PTPRD: variants seen among roughly 807,000 people sequenced by gnomAD.
The protein encoded by PTPRD is receptor-type tyrosine-protein phosphatase delta.
PTPRD carries 34 observed loss-of-function variants against 214.5 expected under a neutral mutation model. That is an observed-to-expected ratio of 0.16 (90% CI 0.12 to 0.21). The LOEUF (loss-of-function observed/expected upper bound fraction) is 0.21. PTPRD is among the 10% of genes least tolerant of loss of function. The pLI is 1.00. For missense variants in PTPRD, 2,545 were observed against 2,398.7 expected (o/e 1.06, Z -1.27); for synonymous variants, 1,128 against 845.7 (o/e 1.33, Z -5.79).
intron 3 of PTPRD, among the ~76,000 whole-genome samples, chr9:10,096,515 C>T (rs593215): frequency 0.43 from 65,089 of 151,608 alleles, 14,919 homozygotes; most frequent in African/African-American, 0.56. Flanking sequence ...TTTCATGTGT[C>T]TTTTGGCTGC....
At chr9:8,897,364 T>G (rs2098628007) in intron 11 of PTPRD, among the ~76,000 whole-genome samples, 1 of 152,068 alleles carries the variant, frequency 6.6e-6, no homozygotes, top group African/African-American at 2.4e-5. Context: ...TGAGCTGGGC[T>G]GGAATTTAGA....
chr9:10,209,074 T>C (rs941414218), intron 3 of PTPRD, among the ~76,000 whole-genome samples: 2 of 152,222 alleles, frequency 1.3e-5, no homozygotes, highest in Admixed American at 6.5e-5. Context: ...TTATGAATGC[T>C]GCAGTTCGTG....
chr9:8,445,552 G>A (rs1451202438), intron 34 of PTPRD, among the ~76,000 whole-genome samples: 6 of 151,992 alleles, frequency 3.9e-5, no homozygotes, highest in South Asian at 4.1e-4. Context: ...AAATGTTCCC[G>A]TATATTTGTC....
chr9:8,690,463 A>T (rs1489602590), intron 12 of PTPRD, among the ~76,000 whole-genome samples: 1 of 151,342 alleles, frequency 6.6e-6, no homozygotes, highest in East Asian at 1.9e-4. Context: ...CAGGAGGGAG[A>T]GCTTGCACTG....
intron 2 of PTPRD, among the ~76,000 whole-genome samples, chr9:10,596,520 G>C (rs937435777): frequency 2.0e-5 from 3 of 151,536 alleles, no homozygotes; most frequent in Non-Finnish European, 4.4e-5. Context: ...TAAATTAAAA[G>C]AAACAAAGAA....
At chr9:8,358,727 T>A (rs987434191) in intron 39 of PTPRD, among the ~76,000 whole-genome samples, 1 of 152,174 alleles carries the variant, frequency 6.6e-6, no homozygotes, top group African/African-American at 2.4e-5. Flanking sequence ...GCAACCTTCC[T>A]ATTCTTGCAT....
At chr9:10,332,408 A>G (rs1407847354) in intron 3 of PTPRD, among the ~76,000 whole-genome samples, 1 of 151,774 alleles carries the variant, frequency 6.6e-6, no homozygotes, top group East Asian at 2.0e-4. Flanking sequence ...AATCCTCAAA[A>G]CAGCTTTCAG....
At chr9:10,418,698 T>A (rs549402926) in intron 2 of PTPRD, among the ~76,000 whole-genome samples, 66 of 151,894 alleles carry the variant, frequency 4.3e-4, no homozygotes, top group African/African-American at 1.6e-3. Context: ...TAGGTCACTA[T>A]CTGTCACATA....
chr9:9,933,287 T>G (rs1173718639), intron 5 of PTPRD, among the ~76,000 whole-genome samples: 4 of 152,208 alleles, frequency 2.6e-5, no homozygotes, highest in South Asian at 2.1e-4. Flanking sequence ...ACTGGCAAAT[T>G]GGATAAAGAG....
chr9:9,811,944 G>A (rs545030644), intron 5 of PTPRD, among the ~76,000 whole-genome samples: 1 of 152,048 alleles, frequency 6.6e-6, no homozygotes, highest in Admixed American at 6.6e-5. Context: ...GTCAATCAAC[G>A]TGGCAAACTT....
At chr9:8,669,654 C>A (rs12350355) in intron 12 of PTPRD, among the ~76,000 whole-genome samples, 54 of 152,162 alleles carry the variant, frequency 3.5e-4, no homozygotes, top group African/African-American at 1.3e-3. Flanking sequence ...AGACAAGGAC[C>A]TTTTAGGATA....
chr9:8,324,779 T>C (rs933519018), intron 44 of PTPRD, among the ~76,000 whole-genome samples: 1 of 152,174 alleles, frequency 6.6e-6, no homozygotes, highest in Non-Finnish European at 1.5e-5. Context: ...CCTGACTTTT[T>C]AATGATCGAC....
intron 12 of PTPRD, chr9:8,713,890 C>A: frequency 2.1e-6 from 2 of 972,212 alleles, no homozygotes; most frequent in Non-Finnish European, 3.0e-6. Flanking sequence ...AGGAACGCCC[C>A]GGTGGAAAAA....
At chr9:9,056,337 T>C (rs970373865) in intron 10 of PTPRD, among the ~76,000 whole-genome samples, 7 of 152,122 alleles carry the variant, frequency 4.6e-5, no homozygotes, top group Admixed American at 1.3e-4. Flanking sequence ...CATCCTCAAA[T>C]GAAGCAAAGA....
chr9:9,739,478 T>C (rs1236280164), intron 6 of PTPRD, among the ~76,000 whole-genome samples: 2 of 152,200 alleles, frequency 1.3e-5, no homozygotes, highest in African/African-American at 4.8e-5. Flanking sequence ...TTCAAAATTC[T>C]ATGTTTTTAG....
rs1362294541 is a variant in PTPRD at position 10,340,596 on chromosome 9, A to C, written c.-545+367T>G. ...TACATATTTGGATAAACTACCAACC[A>C]TCCTAGAGCCTTAATTTCTTTCTAC... On this transcript the variant is annotated intron_variant, in intron 3 of 45. Coordinates refer to ENST00000381196, the MANE Select transcript of PTPRD (RefSeq NM_002839.4). Among the ~76,000 whole-genome samples, 3 of 152,058 alleles carry C rather than the reference A, an allele frequency of 2.0e-5. No individual in the cohort carries two copies. The East Asian group carries it at 5.8e-4, about 29-fold the overall frequency.
chr9:9,851,421 C>A (rs2060525166), intron 5 of PTPRD, among the ~76,000 whole-genome samples: 2 of 152,266 alleles, frequency 1.3e-5, no homozygotes, highest in Non-Finnish European at 2.9e-5. Context: ...CTAGAATGTA[C>A]ATTATAAAGA....
At chr9:9,684,275 AT>A (rs2097129385) in intron 7 of PTPRD, among the ~76,000 whole-genome samples, 1 of 151,740 alleles carries the variant, frequency 6.6e-6, no homozygotes, top group South Asian at 2.1e-4. Flanking sequence ...CTTATTCAAC[AT>A]ACCTTTCTGG....
chr9:9,420,605 T>C (rs1173354413), intron 8 of PTPRD, among the ~76,000 whole-genome samples: 2 of 151,940 alleles, frequency 1.3e-5, no homozygotes, highest in Non-Finnish European at 2.9e-5. Flanking sequence ...GTGTGTGCAC[T>C]GAATGTTTAA....
Sources: allele counts gnomAD v4.1 joint callset (sites outside exome capture counted in the v4.1 genomes callset), GRCh38; gene constraint gnomAD v4.1.1; transcripts MANE v1.5; gene names NCBI Gene and HGNC (gene_info 2026-07-23, HGNC 2026-07-21).